PLD5: variants seen among roughly 807,000 people sequenced by gnomAD.
The protein encoded by PLD5 is inactive phospholipase D5.
PLD5 carries 36 observed loss-of-function variants against 61.1 expected under a neutral mutation model. The ratio of observed to expected loss-of-function variants is 0.59; its 90% CI spans 0.45 to 0.78. PLD5 has a LOEUF of 0.78. Ranked by LOEUF, PLD5 falls within the 30% of genes least tolerant of loss-of-function variation. PLD5 has a pLI of 0.00. For missense variants in PLD5, 515 were observed against 644.4 expected (o/e 0.80, Z 2.17); for synonymous variants, 243 against 242.8 (o/e 1.00, Z -0.01).
chr1:242,345,178 T>C (rs1660058770), intron 2 of PLD5, among the ~76,000 whole-genome samples: 1 of 152,160 alleles, frequency 6.6e-6, no homozygotes, highest in South Asian at 2.1e-4. Flanking sequence ...CCATGGTAAA[T>C]TGCCACAATC....
intron 1 of PLD5, among the ~76,000 whole-genome samples, chr1:242,396,193 C>T (rs1161499194): frequency 7.9e-5 from 12 of 152,124 alleles, no homozygotes; most frequent in Admixed American, 7.9e-4. Context: ...GCCTCTTCTA[C>T]ACTATTCATA....
rs6703354 is a variant in PLD5, at chr1:242,132,201, G to C, written c.736-7536C>G. 8.1e-5 allele frequency among the ~76,000 whole-genome samples: 7 copies of C among 85,982 alleles called. 3 individuals are homozygous for C. The highest frequency in any genetic ancestry group is 1.1e-3 in the South Asian group (2 of 1,832). 56.4% of individuals were successfully genotyped at this position (85,982 alleles called of 152,430 possible). A position where few individuals can be genotyped will look rare whatever the true frequency, so the allele number is the denominator to read the frequency against. ...GAGAATGCAGTGATTGCGGGGGGGG[G>C]GGGGGGCGGAATCATTTTTAGCTAG... On this transcript the variant is annotated intron_variant, in intron 5 of 9. Coordinates refer to ENST00000536534, the MANE Select transcript of PLD5 (RefSeq NM_001372062.1).
At chr1:242,462,592 C>G in intron 1 of PLD5, among the ~76,000 whole-genome samples, 1 of 141,556 alleles carries the variant, frequency 7.1e-6, no homozygotes, top group Middle Eastern at 3.5e-3. Flanking sequence ...CCCCCTGTAT[C>G]TAAAATAAAA....
rs964514839 is a variant in PLD5, at chr1:242,318,317, G to A, written c.327-29787C>T. Among the ~76,000 whole-genome samples, 8 of 152,210 alleles carry A rather than the reference G, an allele frequency of 5.3e-5. No homozygotes were observed. The South Asian group carries it at 1.0e-3, about 20-fold the overall frequency. ...CTACAGAGCCAGCACCCTGAGTCCC[G>A]CCGTGTTCCTCCTGCGGGAGGGGAG... On this transcript the variant is annotated intron_variant, in intron 2 of 9. Coordinates refer to ENST00000536534, the MANE Select transcript of PLD5 (RefSeq NM_001372062.1).
intron 1 of PLD5, among the ~76,000 whole-genome samples, chr1:242,442,582 A>C (rs867856764): frequency 2.6e-5 from 4 of 152,200 alleles, no homozygotes; most frequent in Admixed American, 2.6e-4. Flanking sequence ...TTATTCTTTG[A>C]GCGGGGTGCT....
intron 5 of PLD5, among the ~76,000 whole-genome samples, chr1:242,161,699 T>C (rs1665841927): frequency 6.6e-6 from 1 of 152,162 alleles, no homozygotes; most frequent in African/African-American, 2.4e-5. Context: ...CATTTCACTC[T>C]CCTTTCCTTT....
At chr1:242,497,589 T>C (rs184609054) in intron 1 of PLD5, among the ~76,000 whole-genome samples, 2 of 152,326 alleles carry the variant, frequency 1.3e-5, no homozygotes, top group Admixed American at 1.3e-4. Context: ...CATATGGCTG[T>C]TTAACTTCGC....
chr1:242,111,379 G>T (rs1400243077), intron 7 of PLD5, among the ~76,000 whole-genome samples: 4 of 152,014 alleles, frequency 2.6e-5, no homozygotes, highest in Non-Finnish European at 5.9e-5. Flanking sequence ...TTTCCTGTAG[G>T]ATTTATTTAG....
chr1:242,091,809 TTTTTC>T (rs1158650607), intron 9 of PLD5, among the ~76,000 whole-genome samples: 2 of 147,974 alleles, frequency 1.4e-5, no homozygotes, highest in African/African-American at 2.5e-5. Flanking sequence ...TTTATTCTTC[TTTTTC>T]TTTTCTTTTC....
chr1:242,454,639 G>A (rs959562314), intron 1 of PLD5, among the ~76,000 whole-genome samples: 15 of 139,682 alleles, frequency 1.1e-4, no homozygotes, highest in African/African-American at 1.8e-4. Flanking sequence ...TATGAACTAC[G>A]AAATCATAAA....
intron 1 of PLD5, among the ~76,000 whole-genome samples, chr1:242,414,534 A>G (rs112505922): frequency 0.037 from 5,708 of 152,276 alleles, 384 homozygotes; most frequent in African/African-American, 0.13. Context: ...AGATCAGTTG[A>G]GGGAAAGGAA....
At chr1:242,340,625 T>C (rs765759798) in intron 2 of PLD5, among the ~76,000 whole-genome samples, 4 of 152,144 alleles carry the variant, frequency 2.6e-5, no homozygotes, top group Non-Finnish European at 5.9e-5. Context: ...GGTACTCACA[T>C]TAACATATTT....
intron 3 of PLD5, 130 bp from the exon 4 acceptor site, chr1:242,265,578 G>T: frequency 3.9e-6 from 3 of 765,692 alleles, no homozygotes; most frequent in Non-Finnish European, 6.1e-6. Context: ...TTCAACAACT[G>T]GTATTCAGAT....
intron 5 of PLD5, among the ~76,000 whole-genome samples, chr1:242,169,934 C>A (rs1294565459): frequency 6.6e-6 from 1 of 152,218 alleles, no homozygotes; most frequent in East Asian, 1.9e-4. Context: ...CAGCCCCAGT[C>A]AGGGACTTAT....
At chr1:242,374,731 G>A (rs904260646) in intron 1 of PLD5, among the ~76,000 whole-genome samples, 1 of 152,122 alleles carries the variant, frequency 6.6e-6, no homozygotes, top group Non-Finnish European at 1.5e-5. Flanking sequence ...GCCTTGCTGG[G>A]TTTCCTCTCT....
intron 1 of PLD5, among the ~76,000 whole-genome samples, chr1:242,350,854 C>T (rs1167433347): frequency 6.6e-6 from 1 of 152,018 alleles, no homozygotes; most frequent in Non-Finnish European, 1.5e-5. Flanking sequence ...TATTCTTTTA[C>T]CCTAGACCCT....
chr1:242,407,283 G>C (rs1022513456), intron 1 of PLD5, among the ~76,000 whole-genome samples: 36 of 152,086 alleles, frequency 2.4e-4, no homozygotes, highest in Non-Finnish European at 2.9e-5. Flanking sequence ...GTGGAACTGT[G>C]AGTCCATTAA....
At chr1:242,507,029 G>A (rs576777122) in intron 1 of PLD5, among the ~76,000 whole-genome samples, 1 of 152,258 alleles carries the variant, frequency 6.6e-6, no homozygotes, top group East Asian at 1.9e-4. Context: ...GCAGGAAGTG[G>A]TATCCTTGGC....
rs1244781268 is a variant in PLD5 at position 242,394,807 on chromosome 1, T to C, written c.190-46565A>G. Among the ~76,000 whole-genome samples the C allele has an allele frequency of 5.0e-5, 5 of 99,564 alleles. 1 individual carries two copies. Among genetic ancestry groups the C allele is most frequent in the Non-Finnish European group, 9.4e-5 (5 of 53,086 alleles). The allele number at this position is 99,564 out of a possible 152,430, so 65.3% of individuals were successfully genotyped here. On this transcript the variant is annotated intron_variant, in intron 1 of 9. Transcript: ENST00000536534. ...ATATATGTGAATATATATGTGTATA[T>C]ATGTGAATATATATACATATATGTG...
Sources: allele counts gnomAD v4.1 joint callset (sites outside exome capture counted in the v4.1 genomes callset), GRCh38; gene constraint gnomAD v4.1.1; transcripts MANE v1.5; gene names NCBI Gene and HGNC (gene_info 2026-07-23, HGNC 2026-07-21).